The following MAP2 variants were observed in gnomAD, a reference collection of about 807,000 sequenced individuals.
The protein encoded by MAP2 is microtubule-associated protein 2.
Under a neutral mutation model 137.6 loss-of-function variants are expected in MAP2, and 14 were observed. That is an observed-to-expected ratio of 0.10 (90% CI 0.07 to 0.16). The LOEUF (loss-of-function observed/expected upper bound fraction) is 0.16, where lower values mean the gene tolerates loss of function less well. Ranked by LOEUF, MAP2 falls within the 10% of genes least tolerant of loss-of-function variation. The pLI is 1.00. For missense variants in MAP2, 2,088 were observed against 2,191.5 expected, an observed-to-expected ratio of 0.95 and a Z score of 0.94; for synonymous variants, 786 against 782.3, an observed-to-expected ratio of 1.00 and a Z score of -0.08.
intron 1 of MAP2, among the ~76,000 whole-genome samples, chr2:209,425,653 G>A (rs993872246): frequency 6.6e-6 from 1 of 152,200 alleles, no homozygotes; most frequent in Non-Finnish European, 1.5e-5. Context: ...ACAGTGAGGC[G>A]ATGGAGAACA....
intron 2 of MAP2, among the ~76,000 whole-genome samples, chr2:209,513,026 T>G (rs1219448188): frequency 1.3e-5 from 2 of 152,110 alleles, no homozygotes; most frequent in African/African-American, 2.4e-5. Context: ...TATTATATGG[T>G]TCATTAAAGA....
intron 13 of MAP2, among the ~76,000 whole-genome samples, chr2:209,717,535 G>GA (rs2153791826): frequency 6.6e-6 from 1 of 152,162 alleles, no homozygotes; most frequent in South Asian, 2.1e-4. Flanking sequence ...TTATATTTAA[G>GA]AAAATGGATT....
intron 3 of MAP2, among the ~76,000 whole-genome samples, chr2:209,614,377 G>T (rs1301578424): frequency 1.3e-5 from 2 of 152,100 alleles, no homozygotes; most frequent in African/African-American, 2.4e-5. Flanking sequence ...TTTATAGGGA[G>T]GCAGCCTCTT....
At chr2:209,595,907 A>T (rs1397712305) in intron 3 of MAP2, among the ~76,000 whole-genome samples, 1 of 152,192 alleles carries the variant, frequency 6.6e-6, no homozygotes, top group South Asian at 2.1e-4. Flanking sequence ...TTGAACAATG[A>T]GAACACTTGG....
chr2:209,625,119 T>C lies in MAP2; in HGVS notation c.-40T>C, dbSNP rs1227270217. ...ACAACGAACTTTATATTTTACCACTTCCTTGAATAGGTAAGACTCTCTCTA... is the reference window on the plus strand; with the variant it reads ...ACAACGAACTTTATATTTTACCACTCCCTTGAATAGGTAAGACTCTCTCTA... On this transcript the variant is annotated 5_prime_UTR_variant, in exon 4 of 16. Transcript: ENST00000682079. 1 of 152,218 alleles carries C rather than the reference T, an allele frequency of 6.6e-6. No individual in the cohort carries two copies. Among genetic ancestry groups the C allele is most frequent in the Non-Finnish European group, 1.5e-5 (1 of 68,048 alleles). 9.4% of individuals were successfully genotyped at this position (152,218 alleles called of 1,614,324 possible).
At chr2:209,474,510 A>G (rs1196042290) in intron 1 of MAP2, among the ~76,000 whole-genome samples, 2 of 152,156 alleles carry the variant, frequency 1.3e-5, no homozygotes, top group African/African-American at 2.4e-5. Flanking sequence ...ATAGTATTCC[A>G]TTACATTCTA....
At chr2:209,450,405 C>A (rs1486933315) in intron 1 of MAP2, among the ~76,000 whole-genome samples, 1 of 152,176 alleles carries the variant, frequency 6.6e-6, no homozygotes, top group Non-Finnish European at 1.5e-5. Context: ...TAACAAGTGG[C>A]TTTTGACTTA....
intron 6 of MAP2, 67 bp downstream of exon 6, chr2:209,678,752 A>T: frequency 1.1e-6 from 1 of 906,918 alleles, no homozygotes; most frequent in Non-Finnish European, 1.7e-6. Flanking sequence ...TAAAGTCTTC[A>T]TGTTCAAAAG....
At position 209,710,048 on chromosome 2, in the gene MAP2, C is replaced by T; in HGVS notation, c.4867C>T (p.Pro1623Ser). The T allele has an allele frequency of 1.9e-6, 3 of 1,614,044 alleles. No homozygotes were observed. Among genetic ancestry groups the T allele is most frequent in the East Asian group, 2.2e-5 (1 of 44,854 alleles). Reference sequence around the variant, plus strand: ...AGGCACTCCTGGAACCCCTAGCTATCCCAGGACCCCTCACACACCAGGAAC... The same window carrying T: ...AGGCACTCCTGGAACCCCTAGCTATTCCAGGACCCCTCACACACCAGGAAC... ...TPGTPGTPSYPRTPHTPGTPK... is the reference protein window; with the variant it reads ...TPGTPGTPSYSRTPHTPGTPK... Residue 1623 changes from proline (P) to serine (S), a missense_variant, in exon 13 of 16, where the codon CCC becomes TCC. By Grantham distance (74) the Pro-to-Ser change is moderately conservative. Coordinates refer to ENST00000682079, the MANE Select transcript of MAP2 (RefSeq NM_001375505.1).
chr2:209,465,265 G>A (rs528612594), intron 1 of MAP2, among the ~76,000 whole-genome samples: 2 of 151,772 alleles, frequency 1.3e-5, no homozygotes, highest in Non-Finnish European at 2.9e-5. Context: ...AAATACTTTT[G>A]TCTAAAAAAA....
chr2:209,603,173 C>T (rs892145433), intron 3 of MAP2, among the ~76,000 whole-genome samples: 3 of 152,098 alleles, frequency 2.0e-5, no homozygotes, highest in Non-Finnish European at 4.4e-5. Context: ...ATTGCCTGTC[C>T]AAACTGACCT....
chr2:209,645,654 A>C (rs189477735), intron 4 of MAP2, among the ~76,000 whole-genome samples: 1 of 152,318 alleles, frequency 6.6e-6, no homozygotes, highest in African/African-American at 2.4e-5. Flanking sequence ...ATATAATTCT[A>C]TTGTAAGAAC....
At chr2:209,478,071 T>C (rs73071003) in intron 1 of MAP2, among the ~76,000 whole-genome samples, 2,855 of 152,308 alleles carry the variant, frequency 0.019, 102 homozygotes, top group African/African-American at 0.064. Flanking sequence ...AAGAAAGTGC[T>C]ACTTGGGCTA....
At chr2:209,466,805 ACAG>A (rs1704240148) in intron 1 of MAP2, among the ~76,000 whole-genome samples, 1 of 152,206 alleles carries the variant, frequency 6.6e-6, no homozygotes, top group South Asian at 2.1e-4. Flanking sequence ...AGCTAAGAAA[ACAG>A]CAGAAGATCA....
chr2:209,575,752 G>A (rs2075276701), intron 2 of MAP2, among the ~76,000 whole-genome samples: 1 of 152,090 alleles, frequency 6.6e-6, no homozygotes. Context: ...TGTTTTAGGT[G>A]CTTTGGATAC....
At chr2:209,551,810 G>T (rs1283435045) in intron 2 of MAP2, among the ~76,000 whole-genome samples, 1 of 152,126 alleles carries the variant, frequency 6.6e-6, no homozygotes, top group Non-Finnish European at 1.5e-5. Context: ...GTGATATGCT[G>T]TTACTTTGTA....
At chr2:209,640,251 T>C (rs563351051) in intron 4 of MAP2, among the ~76,000 whole-genome samples, 2 of 152,256 alleles carry the variant, frequency 1.3e-5, no homozygotes, top group East Asian at 3.9e-4. Context: ...TTGGTTTGTC[T>C]GTCACCTCCT....
At position 209,696,147 on chromosome 2, in the gene MAP2, A is replaced by C. The variant is rs932695171; in HGVS notation, c.3977A>C (p.His1326Pro). The change falls in exon 8 of 16, where the codon CAT becomes CCT. Residue 1326 changes from histidine to proline, a missense_variant. Around this residue, in one of 6 missense-constraint regions of MAP2, gnomAD observed 591 missense variants for 642.6 expected, o/e 0.92. Transcript: ENST00000682079. Reference sequence around the variant, plus strand: ...GAGGTGGAAAGGAGACCATCTCCTCATGATGAAGAAGAGTTTGAAGTAGAA... The same window carrying C: ...GAGGTGGAAAGGAGACCATCTCCTCCTGATGAAGAAGAGTTTGAAGTAGAA... Reference protein sequence around the residue: ...QPEVERRPSPHDEEEFEVEEA... With the variant: ...QPEVERRPSPPDEEEFEVEEA... The C allele has an allele frequency of 1.2e-6, 2 of 1,612,916 alleles. No individual in the cohort carries two copies. The highest frequency in any genetic ancestry group is 1.7e-6 in the Non-Finnish European group (2 of 1,179,582).
At chr2:209,579,002 G>C (rs1473142621) in intron 2 of MAP2, among the ~76,000 whole-genome samples, 1 of 150,988 alleles carries the variant, frequency 6.6e-6, no homozygotes, top group Non-Finnish European at 1.5e-5. Flanking sequence ...AAAGGGTATT[G>C]AATTTTCTGT....
Sources: allele counts gnomAD v4.1 joint callset (sites outside exome capture counted in the v4.1 genomes callset), GRCh38; gene constraint gnomAD v4.1.1; regional missense constraint gnomAD v4.1.1; transcripts MANE v1.5; gene names NCBI Gene and HGNC (gene_info 2026-07-23, HGNC 2026-07-21).